The following ADARB2 variants were observed in gnomAD, a reference collection of about 807,000 sequenced individuals.
The protein encoded by ADARB2 is inactive double-stranded RNA-specific editase B2.
A neutral mutation model predicts 62.2 loss-of-function variants in ADARB2; 25 were observed. The observed-to-expected ratio is 0.40, with a 90% CI of 0.29 to 0.56. The LOEUF (loss-of-function observed/expected upper bound fraction) is 0.56, where lower values mean the gene tolerates loss of function less well. Among genes scored for constraint, ADARB2 ranks in the 20% least tolerant of loss-of-function variants. The pLI is 0.43. For synonymous variants in ADARB2, 572 were observed against 500.8 expected (o/e 1.14, Z -1.90); for missense variants, 1,071 against 1,077.4 (o/e 0.99, Z 0.08).
rs1831874227 is a variant in ADARB2 at position 1,327,355 on chromosome 10, TCACGGCCCAGCGCCTCCC to T, written c.1077+35655_1077+35672del. Among the ~76,000 whole-genome samples, 2 of 31,396 alleles carry T rather than the reference TCACGGCCCAGCGCCTCCC, an allele frequency of 6.4e-5. 1 individual carries two copies. The highest frequency in any genetic ancestry group is 2.9e-4 in the African/African-American group (2 of 6,888). 20.6% of individuals were successfully genotyped at this position (31,396 alleles called of 152,430 possible). A position where few individuals can be genotyped will look rare whatever the true frequency, so the allele number is the denominator to read the frequency against. ...CGCCTCCTCACTGCACAGCGCCTCCTCACGGCCCAGCGCCTCCCCACGGCACAGCGCCTCCCCACTGCA... is the reference window on the plus strand; with the variant it reads ...CGCCTCCTCACTGCACAGCGCCTCCTCACGGCACAGCGCCTCCCCACTGCA... On this transcript the variant is annotated intron_variant, in intron 3 of 9. Transcript: ENST00000381312.
chr10:1,623,149 G>A (rs1276594482), intron 1 of ADARB2, among the ~76,000 whole-genome samples: 1 of 152,226 alleles, frequency 6.6e-6, no homozygotes, highest in Admixed American at 6.5e-5. Flanking sequence ...GCATCCATTA[G>A]TGGTTGCCCA....
At chr10:1,574,924 G>A (rs769712437) in intron 1 of ADARB2, among the ~76,000 whole-genome samples, 1 of 72,178 alleles carries the variant, frequency 1.4e-5, no homozygotes, top group African/African-American at 5.8e-5. Context: ...AGGATGTTGA[G>A]TGGCACTGCC....
chr10:1,454,570 C>T (rs374624396), intron 1 of ADARB2, among the ~76,000 whole-genome samples: 14 of 152,234 alleles, frequency 9.2e-5, no homozygotes, highest in African/African-American at 3.1e-4. Flanking sequence ...GGAAACTAAG[C>T]CAGTCACAAA....
At chr10:1,220,065 GATGGTGATGGT>G (rs1830673248) in intron 6 of ADARB2, among the ~76,000 whole-genome samples, 1 of 146,052 alleles carries the variant, frequency 6.8e-6, no homozygotes, top group African/African-American at 2.6e-5. Flanking sequence ...TGGTGGTGAT[GATGGTGATGGT>G]GATGATGGTG....
chr10:1,639,459 C>G (rs1056364230), intron 1 of ADARB2, among the ~76,000 whole-genome samples: 1 of 152,230 alleles, frequency 6.6e-6, no homozygotes, highest in Non-Finnish European at 1.5e-5. Flanking sequence ...GGCTGGCCCA[C>G]AGTACCAGAC....
chr10:1,328,180 G>A (rs959583973), intron 3 of ADARB2, among the ~76,000 whole-genome samples: 1 of 152,220 alleles, frequency 6.6e-6, no homozygotes, highest in Non-Finnish European at 1.5e-5. Flanking sequence ...GTGTGTGTTG[G>A]AAGGACAACA....
chr10:1,681,820 G>A (rs1485395646), intron 1 of ADARB2, among the ~76,000 whole-genome samples: 1 of 152,164 alleles, frequency 6.6e-6, no homozygotes, highest in Non-Finnish European at 1.5e-5. Flanking sequence ...TGTTTGGTGT[G>A]GCTCCCTGCG....
chr10:1,407,950 G>A (rs1012257406), intron 1 of ADARB2, among the ~76,000 whole-genome samples: 2 of 152,300 alleles, frequency 1.3e-5, no homozygotes, highest in African/African-American at 4.8e-5. Context: ...AATTATCTCA[G>A]TATTATAGAA....
At chr10:1,609,115 G>T (rs957662675) in intron 1 of ADARB2, among the ~76,000 whole-genome samples, 1 of 152,226 alleles carries the variant, frequency 6.6e-6, no homozygotes, top group East Asian at 1.9e-4. Context: ...GCTGGCCTTT[G>T]GTCCCCTTTC....
intron 1 of ADARB2, among the ~76,000 whole-genome samples, chr10:1,406,856 T>C (rs1464582640): frequency 1.3e-5 from 2 of 152,094 alleles, no homozygotes; most frequent in East Asian, 3.9e-4. Flanking sequence ...CTTTCCTACT[T>C]CACAGATGAT....
chr10:1,216,974 C>A lies in ADARB2; in HGVS notation c.1659G>T (p.Met553Ile), dbSNP rs753328079. 41 of 1,608,346 alleles carry A rather than the reference C, an allele frequency of 2.5e-5. No individual in the cohort carries two copies. In the South Asian group the frequency reaches 4.4e-4, roughly 17 times the overall value. The change falls in exon 7 of 10, where the codon ATG becomes ATT. Residue 553 changes from methionine (M) to isoleucine (I), a missense_variant. By Grantham distance (10) the Met-to-Ile change is conservative. Transcript: ENST00000381312. ...ACCTGGCGATCTTGTCCGTGCAGGA[C>A]ATGGTGATCAGCTGCTCCCCCAGCA... ...GVLLGEQLIT[M>I]SCTDKIARWN...
At chr10:1,732,753 G>A (rs552667672) in intron 1 of ADARB2, among the ~76,000 whole-genome samples, 2 of 152,316 alleles carry the variant, frequency 1.3e-5, no homozygotes, top group East Asian at 1.9e-4. Context: ...CAGGGGCTGC[G>A]GAGCCCACGG....
chr10:1,629,094 G>A (rs918283805), intron 1 of ADARB2, among the ~76,000 whole-genome samples: 1 of 152,198 alleles, frequency 6.6e-6, no homozygotes, highest in African/African-American at 2.4e-5. Flanking sequence ...TGTTCGCCAG[G>A]GTGTCCCCTA....
intron 1 of ADARB2, among the ~76,000 whole-genome samples, chr10:1,726,761 A>G (rs1347182482): frequency 2.6e-5 from 4 of 152,270 alleles, no homozygotes; most frequent in African/African-American, 4.8e-5. Context: ...ACCTGCTTGC[A>G]GGTGAGGGAG....
chr10:1,513,961 G>A (rs1396427148), intron 1 of ADARB2, among the ~76,000 whole-genome samples: 3 of 151,724 alleles, frequency 2.0e-5, no homozygotes, highest in African/African-American at 7.3e-5. Flanking sequence ...AATGGCTCAT[G>A]CTTGTAATCC....
intron 1 of ADARB2, among the ~76,000 whole-genome samples, chr10:1,503,296 C>T (rs1297342364): frequency 1.3e-5 from 2 of 151,960 alleles, no homozygotes; most frequent in Admixed American, 6.5e-5. Context: ...AAGCAATCCT[C>T]CTGGCTCAGC....
At chr10:1,423,072 T>A (rs995900042) in intron 1 of ADARB2, among the ~76,000 whole-genome samples, 2 of 152,166 alleles carry the variant, frequency 1.3e-5, no homozygotes, top group African/African-American at 4.8e-5. Flanking sequence ...GGAGCTTACA[T>A]CACTGAAGGG....
intron 1 of ADARB2, among the ~76,000 whole-genome samples, chr10:1,380,494 T>C (rs1832473375): frequency 6.6e-6 from 1 of 152,214 alleles, no homozygotes; most frequent in Non-Finnish European, 1.5e-5. Context: ...CAAGAAAACA[T>C]GAACTGCTGG....
chr10:1,310,223 C>T (rs776871996), intron 3 of ADARB2, among the ~76,000 whole-genome samples: 6 of 152,180 alleles, frequency 3.9e-5, no homozygotes, highest in South Asian at 2.1e-4. Flanking sequence ...TTTGCATTTA[C>T]GCAGAGGTAC....
Sources: allele counts gnomAD v4.1 joint callset (sites outside exome capture counted in the v4.1 genomes callset), GRCh38; gene constraint gnomAD v4.1.1; transcripts MANE v1.5; gene names NCBI Gene and HGNC (gene_info 2026-07-23, HGNC 2026-07-21).